XRN2: variants seen among roughly 807,000 people sequenced by gnomAD.
XRN2 encodes the protein 5'-3' exoribonuclease 2.
In XRN2, 44 loss-of-function variants were observed where a neutral mutation model predicts 138.5. The ratio of observed to expected loss-of-function variants is 0.32; its 90% CI spans 0.25 to 0.41. The LOEUF (loss-of-function observed/expected upper bound fraction) is 0.41. Among genes scored for constraint, XRN2 ranks in the 10% least tolerant of loss-of-function variants. The pLI, the probability that XRN2 is intolerant of heterozygous loss-of-function variation, is 1.00. For missense variants in XRN2, 937 were observed against 1,169.3 expected (o/e 0.80, Z 2.90); for synonymous variants, 354 against 369.4 (o/e 0.96, Z 0.48).
chr20:21,380,204 T>C (rs1371891898), intron 27 of XRN2, among the ~76,000 whole-genome samples: 10 of 152,206 alleles, frequency 6.6e-5, no homozygotes, highest in Non-Finnish European at 1.0e-4. Flanking sequence ...TTCTTTTGAC[T>C]TCTGTTACAT....
chr20:21,341,441 A>G (rs1275655081), intron 15 of XRN2, among the ~76,000 whole-genome samples: 1 of 152,218 alleles, frequency 6.6e-6, no homozygotes, highest in Non-Finnish European at 1.5e-5. Context: ...GAACTCAGCA[A>G]CTGCATGCAT....
chr20:21,324,762 T>C (rs12106055), intron 1 of XRN2, among the ~76,000 whole-genome samples: 4,991 of 152,270 alleles, frequency 0.033, 271 homozygotes, highest in African/African-American at 0.11. Context: ...GCTTCCGAAG[T>C]AGCTGAGACT....
rs183457546 is a variant in XRN2 at position 21,341,657 on chromosome 20, T to G, written c.1410+805T>G. 2.3e-3 allele frequency among the ~76,000 whole-genome samples: 347 copies of G among 152,302 alleles called. 1 individual carries two copies. The highest frequency in any genetic ancestry group is 6.8e-3 in the Middle Eastern group (2 of 294). On this transcript the variant is annotated intron_variant, in intron 15 of 29. Transcript: ENST00000377191. ...AACAGTAGAGGAAGGAACATACACT[T>G]TTGCTATGATATATCCAAGGAAATT...
chr20:21,376,021 G>T (rs1178186159), intron 27 of XRN2, among the ~76,000 whole-genome samples: 1 of 152,074 alleles, frequency 6.6e-6, no homozygotes, highest in Non-Finnish European at 1.5e-5. Context: ...TGTGTTTTTA[G>T]TAGAGACGGG....
chr20:21,365,380 G>A (rs1360168709), intron 24 of XRN2, 41 bp from the exon 25 acceptor site: 1 of 1,590,908 alleles, frequency 6.3e-7, no homozygotes, highest in Non-Finnish European at 8.6e-7. Flanking sequence ...AAGACAGGCT[G>A]ATATAATCAG....
intron 26 of XRN2, among the ~76,000 whole-genome samples, 165 bp downstream of exon 26, chr20:21,365,869 TTATATATAATATTATATAATATATAATTA>T (rs2038689378): frequency 7.8e-6 from 1 of 127,868 alleles, no homozygotes; most frequent in Non-Finnish European, 1.6e-5. Context: ...TAATATATAA[TTATATATAATATTATATAATATATAATTA>T]TATATATAAT....
At chr20:21,376,546 T>C (rs2038825275) in intron 27 of XRN2, among the ~76,000 whole-genome samples, 1 of 152,196 alleles carries the variant, frequency 6.6e-6, no homozygotes, top group African/African-American at 2.4e-5. Flanking sequence ...TTAAAAACTC[T>C]AGAAGAATTA....
chr20:21,359,400 G>T (rs572982855), intron 24 of XRN2, among the ~76,000 whole-genome samples: 22 of 152,028 alleles, frequency 1.4e-4, no homozygotes, highest in African/African-American at 5.3e-4. Context: ...GCTGGGCATG[G>T]TGGTGCATGC....
intron 26 of XRN2, among the ~76,000 whole-genome samples, chr20:21,366,381 A>G (rs1402374432): frequency 1.3e-5 from 2 of 150,410 alleles, no homozygotes; most frequent in Non-Finnish European, 3.0e-5. Flanking sequence ...CCCCGTCTCT[A>G]CTAAACAAAA....
intron 28 of XRN2, among the ~76,000 whole-genome samples, chr20:21,384,681 C>T (rs150780366): frequency 3.8e-4 from 58 of 152,186 alleles, no homozygotes; most frequent in Non-Finnish European, 6.3e-4. Context: ...TTAGTAGAGA[C>T]GGGGTTTTCC....
At chr20:21,303,494 C>A in intron 1 of XRN2, 21 bp downstream of exon 1, 1 of 1,535,578 alleles carries the variant, frequency 6.5e-7, no homozygotes, top group South Asian at 1.2e-5. Flanking sequence ...GCCAGGCGGC[C>A]GCCACACTCG....
At chr20:21,368,873 G>A (rs2038732217) in intron 27 of XRN2, among the ~76,000 whole-genome samples, 1 of 151,844 alleles carries the variant, frequency 6.6e-6, no homozygotes, top group South Asian at 2.1e-4. Flanking sequence ...GGGTAGATGG[G>A]GTATCCATCA....
chr20:21,389,249 ACT>A, intron 29 of XRN2, 22 bp from the exon 30 acceptor site: 1 of 1,605,488 alleles, frequency 6.2e-7, no homozygotes, highest in Non-Finnish European at 8.5e-7. Flanking sequence ...CAGAAAATAA[ACT>A]CTTTCTTTTG....
At chr20:21,312,064 A>G in intron 1 of XRN2, among the ~76,000 whole-genome samples, 1 of 152,068 alleles carries the variant, frequency 6.6e-6, no homozygotes, top group East Asian at 1.9e-4. Context: ...TTTCTGTCTC[A>G]TCTGTTCATT....
At chr20:21,317,148 G>C (rs1461316252) in intron 1 of XRN2, among the ~76,000 whole-genome samples, 1 of 152,160 alleles carries the variant, frequency 6.6e-6, no homozygotes, top group African/African-American at 2.4e-5. Context: ...GCAAGAGCAG[G>C]CATCTTTGTC....
At position 21,356,610 on chromosome 20, in the gene XRN2, T is replaced by C. The variant is rs1469982323; in HGVS notation, c.2143T>C (p.Cys715Arg). Residue 715 changes from cysteine (C) to arginine (R), a missense_variant, in exon 23 of 30, where the codon TGT becomes CGT. Cys to Arg is a radical substitution (Grantham distance 180, BLOSUM62 -3). Coordinates refer to ENST00000377191, the MANE Select transcript of XRN2 (RefSeq NM_012255.5). ...GCCAGTGGAGGTACCCCCTGAACTA[T>C]GTCATGGGATTCAAGGAAAGTTTTC... ...TEPVEVPPEL[C>R]HGIQGKFSLD... 1 of 1,613,608 alleles carries C rather than the reference T, an allele frequency of 6.2e-7. No individual in the cohort carries two copies. Among genetic ancestry groups the C allele is most frequent in the Non-Finnish European group, 8.5e-7 (1 of 1,179,748 alleles).
At chr20:21,385,257 T>C (rs2038925700) in intron 28 of XRN2, among the ~76,000 whole-genome samples, 1 of 152,206 alleles carries the variant, frequency 6.6e-6, no homozygotes, top group Non-Finnish European at 1.5e-5. Context: ...AAGATGTGAA[T>C]TGTGTTTTTA....
intron 24 of XRN2, among the ~76,000 whole-genome samples, chr20:21,359,345 G>A (rs2122288676): frequency 6.6e-6 from 1 of 152,142 alleles, no homozygotes; most frequent in Non-Finnish European, 1.5e-5. Context: ...GACTAGCCTG[G>A]CCAACATGGT....
chr20:21,344,796 C>T (rs6082392), intron 16 of XRN2, among the ~76,000 whole-genome samples: 4,757 of 152,166 alleles, frequency 0.031, 120 homozygotes, highest in Middle Eastern at 0.14. Context: ...TTAATTCATC[C>T]TGAAGTTTGA....
Sources: allele counts gnomAD v4.1 joint callset (sites outside exome capture counted in the v4.1 genomes callset), GRCh38; gene constraint gnomAD v4.1.1; transcripts MANE v1.5; gene names NCBI Gene and HGNC (gene_info 2026-07-23, HGNC 2026-07-21).